The following PKNOX2 variants were observed in gnomAD, a reference collection of about 807,000 sequenced individuals.
PKNOX2 encodes the protein homeobox protein PKNOX2.
A neutral mutation model predicts 53.1 loss-of-function variants in PKNOX2; 14 were observed. The ratio of observed to expected loss-of-function variants is 0.26; its 90% CI spans 0.17 to 0.41. The LOEUF (loss-of-function observed/expected upper bound fraction) is 0.41, where lower values mean the gene tolerates loss of function less well. PKNOX2 is among the 10% of genes least tolerant of loss of function. The pLI, the probability that PKNOX2 is intolerant of heterozygous loss-of-function variation, is 1.00. For synonymous variants in PKNOX2, 257 were observed against 242.8 expected (o/e 1.06, Z -0.54); for missense variants, 496 against 602.8 (o/e 0.82, Z 1.85).
Position 125,377,198 on chromosome 11 carries a change from A to T in PKNOX2, c.228-8353A>T, listed in dbSNP as rs1376506412. ...TAATTCTTACAGGAACCTGCATGGGAGGTGTTGTCCTTAATGAAAGAGGAC... is the reference window on the plus strand; with the variant it reads ...TAATTCTTACAGGAACCTGCATGGGTGGTGTTGTCCTTAATGAAAGAGGAC... On this transcript the variant is annotated intron_variant, in intron 5 of 12. Coordinates refer to ENST00000298282, the MANE Select transcript of PKNOX2 (RefSeq NM_001382323.2). 2.6e-5 allele frequency among the ~76,000 whole-genome samples: 4 copies of T among 152,326 alleles called. No homozygotes were observed. The East Asian group carries it at 7.7e-4, about 29-fold the overall frequency.
intron 5 of PKNOX2, among the ~76,000 whole-genome samples, chr11:125,371,099 G>C (rs542089808): frequency 2.0e-5 from 3 of 152,332 alleles, no homozygotes; most frequent in East Asian, 3.9e-4. Context: ...TGGAAACTGT[G>C]GGGTGGGGGA....
chr11:125,259,312 A>G (rs11219997), intron 2 of PKNOX2, among the ~76,000 whole-genome samples: 57,491 of 152,040 alleles, frequency 0.38, 11,820 homozygotes, highest in African/African-American at 0.53. Flanking sequence ...GACACCCACT[A>G]TGTTCTAGAC....
chr11:125,236,111 T>A (rs1019840158), intron 2 of PKNOX2, among the ~76,000 whole-genome samples: 37 of 152,332 alleles, frequency 2.4e-4, no homozygotes, highest in African/African-American at 8.4e-4. Context: ...AAAAATAGAT[T>A]GACTGTAATG....
rs1322516873 is a variant in PKNOX2 at position 125,233,244 on chromosome 11, G to A, written c.-200-1801G>A. ...GCTTTGCATCATGTGCACCTGAAAA[G>A]TTGGCCATATCTTCTTTCAAGTCAC... On this transcript the variant is annotated intron_variant, in intron 1 of 12. Transcript: ENST00000298282. Among the ~76,000 whole-genome samples, 5 of 152,204 alleles carry A rather than the reference G, an allele frequency of 3.3e-5. No homozygotes were observed. The South Asian group carries it at 8.3e-4, about 25-fold the overall frequency.
intron 1 of PKNOX2, among the ~76,000 whole-genome samples, chr11:125,179,847 G>A (rs567173614): frequency 6.6e-6 from 1 of 152,310 alleles, no homozygotes; most frequent in African/African-American, 2.4e-5. Flanking sequence ...GGGGGTGGAG[G>A]TAAAAATGAA....
intron 7 of PKNOX2, among the ~76,000 whole-genome samples, chr11:125,401,777 G>GTGTGTA (rs1361567500): frequency 6.6e-6 from 1 of 151,924 alleles, no homozygotes; most frequent in African/African-American, 2.4e-5. Flanking sequence ...GTGTGTGTGT[G>GTGTGTA]TGTGTGTGTG....
chr11:125,339,332 G>C (rs1276792844), intron 3 of PKNOX2, among the ~76,000 whole-genome samples: 1 of 152,188 alleles, frequency 6.6e-6, no homozygotes, highest in African/African-American at 2.4e-5. Context: ...GAACAGGAAG[G>C]GGCTTCTTTG....
At chr11:125,176,113 C>T (rs1021722768) in intron 1 of PKNOX2, among the ~76,000 whole-genome samples, 2 of 152,116 alleles carry the variant, frequency 1.3e-5, no homozygotes, top group Admixed American at 6.5e-5. Context: ...CCTGAGCGCC[C>T]GGTGGTTTTG....
intron 2 of PKNOX2, among the ~76,000 whole-genome samples, chr11:125,287,341 A>C (rs1405572687): frequency 2.0e-5 from 3 of 152,176 alleles, no homozygotes; most frequent in Non-Finnish European, 4.4e-5. Context: ...GATTCAGGTG[A>C]ACCCCAGCTC....
At chr11:125,293,203 T>TAC (rs368853434) in intron 2 of PKNOX2, among the ~76,000 whole-genome samples, 136 of 151,792 alleles carry the variant, frequency 9.0e-4, no homozygotes, top group African/African-American at 3.1e-3. Context: ...CACACACAAA[T>TAC]ACACACACAC....
chr11:125,203,377 A>G (rs1001926576), intron 1 of PKNOX2, among the ~76,000 whole-genome samples: 1 of 152,194 alleles, frequency 6.6e-6, no homozygotes, highest in Non-Finnish European at 1.5e-5. Context: ...AAGTATGGGG[A>G]TTATAGGCAT....
chr11:125,179,459 G>C (rs1329114195), intron 1 of PKNOX2, among the ~76,000 whole-genome samples: 1 of 152,170 alleles, frequency 6.6e-6, no homozygotes, highest in Non-Finnish European at 1.5e-5. Flanking sequence ...CGGCAAAACT[G>C]AGAAAAGACG....
intron 1 of PKNOX2, among the ~76,000 whole-genome samples, chr11:125,222,787 A>G (rs12797310): frequency 8.2e-5 from 11 of 134,680 alleles, no homozygotes; most frequent in South Asian, 2.5e-4. Flanking sequence ...GTATGTGTGT[A>G]TGTGTGTGTG....
chr11:125,171,589 C>G (rs1215387612), intron 1 of PKNOX2, among the ~76,000 whole-genome samples: 1 of 152,218 alleles, frequency 6.6e-6, no homozygotes, highest in Non-Finnish European at 1.5e-5. Flanking sequence ...CGGTGTCTGG[C>G]ACAGAGGAGA....
intron 6 of PKNOX2, among the ~76,000 whole-genome samples, chr11:125,391,958 T>TA (rs1367870139): frequency 1.3e-5 from 2 of 152,130 alleles, no homozygotes; most frequent in Non-Finnish European, 2.9e-5. Flanking sequence ...GTTTAATAAA[T>TA]CAGAATTTTC....
Position 125,273,496 on chromosome 11 carries a change from G to A in PKNOX2, c.-130+38381G>A, listed in dbSNP as rs1192351922. Among the ~76,000 whole-genome samples, 3 of 152,200 alleles carry A rather than the reference G, an allele frequency of 2.0e-5. No individual in the cohort carries two copies. The East Asian group carries it at 5.8e-4, about 29-fold the overall frequency. On this transcript the variant is annotated intron_variant, in intron 2 of 12. Coordinates refer to ENST00000298282, the MANE Select transcript of PKNOX2 (RefSeq NM_001382323.2). ...ACCTCCCTATGGGGTGAGGAAAGCA[G>A]TGCCAAGAAAAAGGTTCTCAACTTT...
intron 5 of PKNOX2, among the ~76,000 whole-genome samples, chr11:125,371,542 T>C (rs1381245297): frequency 6.6e-6 from 1 of 152,010 alleles, no homozygotes; most frequent in Admixed American, 6.5e-5. Context: ...CTCCCCCTCC[T>C]CCCCTCCAGT....
At chr11:125,223,969 G>T (rs1465871581) in intron 1 of PKNOX2, among the ~76,000 whole-genome samples, 1 of 152,268 alleles carries the variant, frequency 6.6e-6, no homozygotes, top group Non-Finnish European at 1.5e-5. Context: ...GCAATTTAGC[G>T]ACAAGAAGGG....
intron 1 of PKNOX2, among the ~76,000 whole-genome samples, chr11:125,208,676 A>G (rs544520099): frequency 7.9e-5 from 12 of 152,184 alleles, no homozygotes; most frequent in Admixed American, 2.0e-4. Context: ...GGTTGTTTTC[A>G]GGTTAAGGTG....
Sources: gnomAD v4.1 joint callset for allele counts (sites outside exome capture counted in the v4.1 genomes callset) on GRCh38, gnomAD v4.1.1 for gene constraint, MANE v1.5 for transcripts, NCBI Gene and HGNC (gene_info 2026-07-23, HGNC 2026-07-21) for gene names.